Variants in BACH1 observed in about 807,000 individuals in gnomAD.
BACH1 encodes BTB domain and CNC homolog 1, also known as transcription regulator protein BACH1.
Under a neutral mutation model 52.9 loss-of-function variants are expected in BACH1, and 35 were observed. The ratio of observed to expected loss-of-function variants is 0.66; its 90% CI spans 0.51 to 0.88. The LOEUF is 0.88. Ranked by LOEUF, BACH1 falls within the 40% of genes least tolerant of loss-of-function variation. BACH1 has a pLI of 0.00. For missense variants in BACH1, 808 were observed against 872.6 expected (o/e 0.93, Z 0.93); for synonymous variants, 321 against 319.6 (o/e 1.00, Z -0.05).
At chr21:29,321,607 A>G in intron 2 of BACH1, 93 bp downstream of exon 2, 2 of 1,163,602 alleles carry the variant, frequency 1.7e-6, no homozygotes. Context: ...TCTCCTTGTC[A>G]GGTGGCTATG....
chr21:29,355,774 C>T (rs1170005014), intron 2 of BACH1, among the ~76,000 whole-genome samples: 1 of 152,174 alleles, frequency 6.6e-6, no homozygotes, highest in Non-Finnish European at 1.5e-5. Flanking sequence ...AAGATGGCTG[C>T]CACAGGACCT....
chr21:29,341,993 ATG>A (rs2089118824), intron 4 of BACH1, among the ~76,000 whole-genome samples: 1 of 152,208 alleles, frequency 6.6e-6, no homozygotes. Flanking sequence ...CAAAAACCGT[ATG>A]TTTGTCACAA....
chr21:29,321,837 A>G (rs922388906), intron 2 of BACH1, among the ~76,000 whole-genome samples: 5 of 151,710 alleles, frequency 3.3e-5, no homozygotes, highest in African/African-American at 1.2e-4. Flanking sequence ...GCTGTGTGAC[A>G]TTCTCTTCTA....
At chr21:29,346,827 C>T (rs751098396), downstream of BACH1, among the ~76,000 whole-genome samples, 10 of 149,680 alleles carry the variant, frequency 6.7e-5, no homozygotes, top group Non-Finnish European at 1.3e-4. Context: ...TGGGATTTCA[C>T]CAAGCTTTGA....
intron 2 of BACH1, among the ~76,000 whole-genome samples, chr21:29,355,634 G>A (rs572712494): frequency 2.6e-5 from 4 of 152,308 alleles, no homozygotes; most frequent in Admixed American, 6.5e-5. Context: ...AGGGGTCCTC[G>A]GTAGAAGTTG....
chr21:29,346,888 C>G (rs1030025317), downstream of BACH1, among the ~76,000 whole-genome samples: 11 of 152,090 alleles, frequency 7.2e-5, no homozygotes, highest in African/African-American at 2.2e-4. Flanking sequence ...GAGGAGGCCA[C>G]TTGGCACAAA....
intron 1 of BACH1, among the ~76,000 whole-genome samples, chr21:29,306,298 G>C (rs1601337391): frequency 6.6e-6 from 1 of 151,592 alleles, no homozygotes; most frequent in African/African-American, 2.4e-5. Flanking sequence ...ATGGTTGCAA[G>C]ATGGCTGCCA....
chr21:29,321,959 G>A (rs192955968), intron 2 of BACH1, among the ~76,000 whole-genome samples: 15 of 152,172 alleles, frequency 9.9e-5, no homozygotes, highest in African/African-American at 2.2e-4. Context: ...AAGTTTAATC[G>A]GCTCACAGTT....
At chr21:29,336,006 A>G (rs2089040069) in intron 4 of BACH1, among the ~76,000 whole-genome samples, 1 of 152,252 alleles carries the variant, frequency 6.6e-6, no homozygotes, top group Non-Finnish European at 1.5e-5. Flanking sequence ...ATGCCTGAGA[A>G]TTTCAACACA....
At chr21:29,358,818 A>AAAGAAAGAAAGAAAGAAAG (rs1569028922) in intron 2 of BACH1, among the ~76,000 whole-genome samples, 2 of 136,952 alleles carry the variant, frequency 1.5e-5, no homozygotes, top group Admixed American at 7.2e-5. Flanking sequence ...AAGAAAGAAG[A>AAAGAAAGAAAGAAAGAAAG]AAGAAAGAAA....
chr21:29,321,193 A>T, intron 1 of BACH1, 28 bp from the exon 2 acceptor site: 1 of 1,101,558 alleles, frequency 9.1e-7, no homozygotes, highest in Non-Finnish European at 1.4e-6. Flanking sequence ...GATGTTATTT[A>T]AGTGAAATCT....
chr21:29,317,611 T>C (rs1227194299), intron 1 of BACH1, among the ~76,000 whole-genome samples: 1 of 152,096 alleles, frequency 6.6e-6, no homozygotes, highest in Non-Finnish European at 1.5e-5. Context: ...CCCAACTACA[T>C]AGGACTTGAG....
At position 29,327,183 on chromosome 21, in the gene BACH1, C is replaced by T. The variant is rs1165029803; in HGVS notation, c.1359C>T (p.Phe453=). 1.9e-6 allele frequency: 3 copies of T among 1,614,072 alleles called. No homozygotes were observed. The highest frequency in any genetic ancestry group is 2.2e-5 in the East Asian group (1 of 44,896). Residue 453 remains phenylalanine, a synonymous_variant, in exon 3 of 5, where the codon TTC becomes TTT. Coordinates refer to ENST00000286800, the MANE Select transcript of BACH1 (RefSeq NM_001186.4). ...GCCCAGAACCAGGTCAAAGGACTTTCACAACATTAAGTTCTGTCAACTGCC... is the reference window on the plus strand; with the variant it reads ...GCCCAGAACCAGGTCAAAGGACTTTTACAACATTAAGTTCTGTCAACTGCC... ...SESPEPGQRT[F]TTLSSVNCPF... is the part of the protein sequence containing the mutation.
At chr21:29,346,639 T>C (rs879536849), downstream of BACH1, among the ~76,000 whole-genome samples, 3 of 152,144 alleles carry the variant, frequency 2.0e-5, no homozygotes, top group Non-Finnish European at 4.4e-5. Flanking sequence ...ATATGGCTTC[T>C]AGGGGCAGAG....
rs1569022824 is a variant in BACH1, at chr21:29,342,683, CAGTG to C, written c.2064_2067del (p.Glu689LeufsTer39). ...TGCTGCCTCCCTGTGCCAGAGGAAA[CAGTG>C]AGCCTGGCTACGCGCGAGGGCAGGA... On this transcript the variant is annotated frameshift_variant, in exon 5 of 5. Coordinates refer to ENST00000286800, the MANE Select transcript of BACH1 (RefSeq NM_001186.4). LOFTEE classifies it low-confidence loss of function (END_TRUNC). The C allele has an allele frequency of 6.2e-7, 1 of 1,614,220 alleles. No individual in the cohort carries two copies. Among genetic ancestry groups the C allele is most frequent in the Non-Finnish European group, 8.5e-7 (1 of 1,180,042 alleles).
intron 2 of BACH1, among the ~76,000 whole-genome samples, chr21:29,325,242 A>G (rs534869035): frequency 6.6e-6 from 1 of 152,264 alleles, no homozygotes; most frequent in Non-Finnish European, 1.5e-5. Flanking sequence ...AAAAAAAAAA[A>G]TCACAAATAT....
intron 1 of BACH1, among the ~76,000 whole-genome samples, chr21:29,307,446 A>G (rs765405192): frequency 6.6e-6 from 1 of 151,562 alleles, no homozygotes; most frequent in African/African-American, 2.4e-5. Context: ...CTTTAAATCT[A>G]CTCTCTTAGC....
chr21:29,359,840 C>T (rs1225730849), intron 2 of BACH1, among the ~76,000 whole-genome samples: 1 of 152,206 alleles, frequency 6.6e-6, no homozygotes. Context: ...GATACCTTAT[C>T]TTCACAGGCC....
intron 1 of BACH1, among the ~76,000 whole-genome samples, chr21:29,319,345 A>G (rs952838444): frequency 6.6e-6 from 1 of 152,146 alleles, no homozygotes; most frequent in Admixed American, 6.5e-5. Context: ...CAGGCATGGC[A>G]CGGGATTAAG....
Sources: allele counts gnomAD v4.1 joint callset (sites outside exome capture counted in the v4.1 genomes callset), GRCh38; gene constraint gnomAD v4.1.1; transcripts MANE v1.5; gene names NCBI Gene and HGNC (gene_info 2026-07-23, HGNC 2026-07-21).